GLYATL2: variants seen among roughly 807,000 people sequenced by gnomAD.
The protein encoded by GLYATL2 is glycine-N-acyltransferase like 2, also known as glycine N-acyltransferase-like protein 2.
GLYATL2 carries 25 observed loss-of-function variants against 21.4 expected under a neutral mutation model. The ratio of observed to expected loss-of-function variants is 1.17; its 90% CI spans 0.85 to 1.63. The LOEUF (loss-of-function observed/expected upper bound fraction) is 1.63, where lower values mean the gene tolerates loss of function less well. GLYATL2 is among the 40% of genes most tolerant of loss of function. The probability of loss-of-function intolerance (pLI) is 0.00; values close to 1 mark genes in which losing one functional copy is unlikely to be tolerated. For missense variants in GLYATL2, 361 were observed against 343.3 expected (o/e 1.05, Z -0.41); for synonymous variants, 114 against 118.2 (o/e 0.96, Z 0.23).
At chr11:58,846,524 GTA>G (rs1853647664), upstream of GLYATL2, among the ~76,000 whole-genome samples, 4 of 151,752 alleles carry the variant, frequency 2.6e-5, no homozygotes, top group African/African-American at 9.7e-5. Flanking sequence ...GGGCACGGGG[GTA>G]GAAAGAACAC....
rs1423565149 is a variant in GLYATL2 at position 58,869,000 on chromosome 11, G to T, written n.61-30632C>A. ...TTGTTCGTCATTTTGTGTGTGTCCA[G>T]GCAAGTGAGTGTCTTTTGTGGGTAC... On this transcript the variant is annotated intron_variant and non_coding_transcript_variant, in intron 1 of 4. Coordinates refer to the GLYATL2 transcript ENST00000533636. Among the ~76,000 whole-genome samples the T allele has an allele frequency of 1.9e-4, 29 of 150,456 alleles. 2 individuals are homozygous for T. The highest frequency in any genetic ancestry group is 1.3e-3 in the East Asian group (6 of 4,714).
At chr11:58,851,042 G>T (rs1853732170) in intron 1 of GLYATL2, among the ~76,000 whole-genome samples, 1 of 152,172 alleles carries the variant, frequency 6.6e-6, no homozygotes, top group Admixed American at 6.5e-5. Context: ...TGCCAAACAG[G>T]GAAGGGCCCC....
intron 3 of GLYATL2, among the ~76,000 whole-genome samples, chr11:58,838,010 G>A (rs754743375): frequency 3.3e-5 from 5 of 152,124 alleles, no homozygotes; most frequent in Non-Finnish European, 5.9e-5. Flanking sequence ...CCTATGATCA[G>A]AATCTTGATG....
chr11:58,880,007 C>T (rs1447273082), intron 1 of GLYATL2, among the ~76,000 whole-genome samples: 1 of 151,914 alleles, frequency 6.6e-6, no homozygotes, highest in Non-Finnish European at 1.5e-5. Context: ...TGCAGGTGCC[C>T]GCCACCTTGC....
At chr11:58,858,468 T>C in intron 1 of GLYATL2, among the ~76,000 whole-genome samples, 2 of 151,206 alleles carry the variant, frequency 1.3e-5, no homozygotes, top group African/African-American at 4.9e-5. Context: ...TGGGCTTTTT[T>C]AAAAAAAAAA....
upstream of GLYATL2, among the ~76,000 whole-genome samples, chr11:58,849,441 A>C (rs558453034): frequency 3.9e-5 from 6 of 152,206 alleles, no homozygotes; most frequent in Non-Finnish European, 8.8e-5. Context: ...AAATTGGAAA[A>C]CCTAAAAAAA....
chr11:58,870,219 T>C (rs1000691706), intron 1 of GLYATL2, among the ~76,000 whole-genome samples: 1 of 152,150 alleles, frequency 6.6e-6, no homozygotes, highest in Non-Finnish European at 1.5e-5. Flanking sequence ...ATTGAGCAGG[T>C]GGCTTTTAGG....
chr11:58,903,308 T>C (rs920926023), intron 1 of GLYATL2, among the ~76,000 whole-genome samples: 1 of 152,136 alleles, frequency 6.6e-6, no homozygotes, highest in Admixed American at 6.5e-5. Context: ...AGGCAGGATT[T>C]TGTATTTATC....
upstream of GLYATL2, chr11:58,905,758 G>GGGGGGGCC: frequency 1.5e-4 from 4 of 27,562 alleles, no homozygotes; most frequent in South Asian, 2.1e-3. Flanking sequence ...GGGCGGGTGG[G>GGGGGGGCC]CGCGCAGTCC....
chr11:58,903,844 G>T (rs536932156), intron 1 of GLYATL2, among the ~76,000 whole-genome samples: 1 of 152,098 alleles, frequency 6.6e-6, no homozygotes, highest in Admixed American at 6.5e-5. Context: ...GCATTCACCC[G>T]CATGTGTTGA....
intron 1 of GLYATL2, among the ~76,000 whole-genome samples, chr11:58,866,737 C>A (rs1214672812): frequency 1.3e-5 from 2 of 149,124 alleles, no homozygotes; most frequent in Admixed American, 6.9e-5. Flanking sequence ...TGTACTACTA[C>A]ACAGAAGAGG....
chr11:58,886,768 C>A (rs1854448816), intron 1 of GLYATL2, among the ~76,000 whole-genome samples: 1 of 152,152 alleles, frequency 6.6e-6, no homozygotes, highest in East Asian at 1.9e-4. Flanking sequence ...TGAACTGAAG[C>A]CTCATGGCCA....
chr11:58,901,217 A>G (rs1854734674), intron 1 of GLYATL2, among the ~76,000 whole-genome samples: 2 of 152,182 alleles, frequency 1.3e-5, no homozygotes, highest in African/African-American at 4.8e-5. Context: ...GAACGGACTC[A>G]CTTCTAAGAA....
At position 58,895,371 on chromosome 11, in the gene GLYATL2, A is replaced by G. The variant is rs79208796; in HGVS notation, n.60+8785T>C. The stretch of plus-strand genomic sequence containing the variant: ...GAGTTAAAAACAAAGTCCAAGAAGC[A>G]TGCATTAATCTGGCCATCATAACAA... On this transcript the variant is annotated intron_variant and non_coding_transcript_variant, in intron 1 of 4. Transcript: ENST00000533636. 2.8e-3 allele frequency among the ~76,000 whole-genome samples: 350 copies of G among 125,264 alleles called. 6 individuals carry two copies. The South Asian group carries it at 0.047, about 17-fold the overall frequency. 82.2% of individuals were successfully genotyped at this position (125,264 alleles called of 152,430 possible).
At chr11:58,872,907 C>T (rs2134604453) in intron 1 of GLYATL2, among the ~76,000 whole-genome samples, 1 of 152,326 alleles carries the variant, frequency 6.6e-6, no homozygotes, top group African/African-American at 2.4e-5. Flanking sequence ...TTGATTGTCC[C>T]TACCCATTAG....
At position 58,900,748 on chromosome 11, in the gene GLYATL2, C is replaced by T. The variant is rs75062864; in HGVS notation, n.60+3408G>A. Among the ~76,000 whole-genome samples, 540 of 152,262 alleles carry T rather than the reference C, an allele frequency of 3.5e-3. 1 individual carries two copies. The highest frequency in any genetic ancestry group is 0.013 in the African/African-American group (520 of 41,528). On this transcript the variant is annotated intron_variant and non_coding_transcript_variant, in intron 1 of 4. Transcript: ENST00000533636. ...ATGTCCCAGCATCTCCCACGCCCATCCCTCCATTTAGCACCCAAAATGCAG... is the reference window on the plus strand; with the variant it reads ...ATGTCCCAGCATCTCCCACGCCCATTCCTCCATTTAGCACCCAAAATGCAG...
At chr11:58,867,533 C>T (rs1044706481) in intron 1 of GLYATL2, among the ~76,000 whole-genome samples, 2 of 148,792 alleles carry the variant, frequency 1.3e-5, no homozygotes, top group Admixed American at 6.9e-5. Context: ...GATGGAAGAA[C>T]ATTCAAGACT....
At chr11:58,836,115 T>C (rs1853426534) in intron 5 of GLYATL2, among the ~76,000 whole-genome samples, 1 of 152,258 alleles carries the variant, frequency 6.6e-6, no homozygotes, top group Admixed American at 6.5e-5. Context: ...CAACCACTAA[T>C]GCCAACATAT....
rs1221982675 is a variant in GLYATL2, at chr11:58,837,309, G to C, written c.275C>G (p.Ser92Cys). ...PDKLEEVLSY[S>C]NVISWEQTLQ... ...AGTTTGCTCCCAGCTGATTACATTG[G>C]AGTATGACAGGACTTCCTCTAATTT... is the stretch of plus-strand genomic sequence containing the variant. Residue 92 changes from serine to cysteine, a missense_variant, in exon 4 of 6, where the codon TCC (serine) becomes TGC (cysteine). Ser to Cys is a moderately radical substitution (Grantham distance 112). Coordinates refer to ENST00000287275, the MANE Select transcript of GLYATL2 (RefSeq NM_145016.4). The C allele has an allele frequency of 3.7e-6, 6 of 1,613,818 alleles. No homozygotes were observed. The highest frequency in any genetic ancestry group is 5.1e-6 in the Non-Finnish European group (6 of 1,179,854).
Sources: allele counts gnomAD v4.1 joint callset (sites outside exome capture counted in the v4.1 genomes callset), GRCh38; gene constraint gnomAD v4.1.1; transcripts MANE v1.5; gene names NCBI Gene and HGNC (gene_info 2026-07-23, HGNC 2026-07-21).